Variants in PCDHGB3 observed in about 807,000 individuals in gnomAD.
The protein encoded by PCDHGB3 is protocadherin gamma subfamily B, 3.
Under a neutral mutation model 59.2 loss-of-function variants are expected in PCDHGB3, and 40 were observed. That is an observed-to-expected ratio of 0.68 (90% confidence interval 0.52 to 0.88). The LOEUF is 0.88. Among genes scored for constraint, PCDHGB3 ranks in the 40% least tolerant of loss-of-function variants. The pLI, the probability that PCDHGB3 is intolerant of heterozygous loss-of-function variation, is 0.00. For missense variants in PCDHGB3, 1,309 were observed against 1,187.9 expected (o/e 1.10, Z -1.50); for synonymous variants, 581 against 503.6 (o/e 1.15, Z -2.06).
chr5:141,403,083 T>C lies in PCDHGB3; in HGVS notation c.2415+30274T>C, dbSNP rs775664314. 7 of 1,613,932 alleles carry C rather than the reference T, an allele frequency of 4.3e-6. No individual in the cohort carries two copies. The highest frequency in any genetic ancestry group is 2.7e-5 in the African/African-American group (2 of 74,948). ...CCTGAAGAGACAGAAAAGGGCTATATTGTGGGCAACATCTCCAAGGACCTG... is the reference window on the plus strand; with the variant it reads ...CCTGAAGAGACAGAAAAGGGCTATACTGTGGGCAACATCTCCAAGGACCTG... On this transcript the variant is annotated intron_variant, in intron 1 of 3. Transcript: ENST00000576222.
chr5:141,381,817 T>TTTC (rs1262770842), intron 1 of PCDHGB3, among the ~76,000 whole-genome samples: 10 of 136,280 alleles, frequency 7.3e-5, no homozygotes, highest in East Asian at 4.1e-4. Context: ...TCTTTCTTTC[T>TTTC]TTCTTCTTCT....
rs1430647254 is a variant in PCDHGB3 at position 141,477,750 on chromosome 5, C to T, written c.2416-17057C>T. On this transcript the variant is annotated intron_variant, in intron 1 of 3. Coordinates refer to ENST00000576222, the MANE Select transcript of PCDHGB3 (RefSeq NM_018924.5). This position sits in a 1 kb window ranked among gnomAD's most constrained non-coding sequence, Gnocchi z 4.9. ...GCTCATATCAGCGATGGGGGCACCC[C>T]GGTCCTAGCCACCAACATCAGCGTG... 8 of 1,613,772 alleles carry T rather than the reference C, an allele frequency of 5.0e-6. No individual in the cohort carries two copies. Among genetic ancestry groups the T allele is most frequent in the East Asian group, 2.2e-5 (1 of 44,890 alleles).
At position 141,372,210 on chromosome 5, in the gene PCDHGB3, T is replaced by A; in HGVS notation, c.1816T>A (p.Tyr606Asn). 1.9e-6 allele frequency: 3 copies of A among 1,613,574 alleles called. No individual in the cohort carries two copies. Among genetic ancestry groups the A allele is most frequent in the Non-Finnish European group, 2.5e-6 (3 of 1,179,896 alleles). Residue 606 changes from tyrosine (Y) to asparagine (N), a missense_variant, in exon 1 of 4, where the codon TAC becomes AAC. Tyr to Asn is a moderately radical substitution (Grantham distance 143). Coordinates refer to ENST00000576222, the MANE Select transcript of PCDHGB3 (RefSeq NM_018924.5). ...ADSGYNAWLSYHIVQASEPGL... is the reference protein window; with the variant it reads ...ADSGYNAWLSNHIVQASEPGL... Reference sequence around the variant, plus strand: ...CTCGGGATACAACGCCTGGCTGTCCTACCACATTGTGCAGGCCAGCGAGCC... The same window carrying A: ...CTCGGGATACAACGCCTGGCTGTCCAACCACATTGTGCAGGCCAGCGAGCC...
chr5:141,428,846 A>G (rs936271540), intron 1 of PCDHGB3: 1 of 143,414 alleles, frequency 7.0e-6, no homozygotes, highest in Non-Finnish European at 1.5e-5. Flanking sequence ...CATTTTCACC[A>G]TTTTTACGGG....
At chr5:141,415,863 GTGT>G in intron 1 of PCDHGB3, 1 of 1,107,154 alleles carries the variant, frequency 9.0e-7, no homozygotes, top group Non-Finnish European at 1.2e-6. Flanking sequence ...GTAGTTTATA[GTGT>G]TGTTGAGTAC....
At position 141,400,119 on chromosome 5, in the gene PCDHGB3, G is replaced by A. The variant is rs543287685; in HGVS notation, c.2415+27310G>A. ...TGCACTTGGTCTTTGCTGACAGCTTGCAGGAGGTGCTGCCGGATATCACTG... is the reference window on the plus strand; with the variant it reads ...TGCACTTGGTCTTTGCTGACAGCTTACAGGAGGTGCTGCCGGATATCACTG... On this transcript the variant is annotated intron_variant, in intron 1 of 3. Transcript: ENST00000576222. 3 of 1,614,076 alleles carry A rather than the reference G, an allele frequency of 1.9e-6. No individual in the cohort carries two copies. The Admixed American group carries it at 5.0e-5, about 27-fold the overall frequency.
intron 1 of PCDHGB3, chr5:141,384,987 G>C (rs775895766): frequency 6.2e-7 from 1 of 1,614,114 alleles, no homozygotes; most frequent in African/African-American, 1.3e-5. Context: ...TGGTGGTGGC[G>C]GTGGCCACAG....
chr5:141,402,854 C>A, intron 1 of PCDHGB3: 2 of 1,423,530 alleles, frequency 1.4e-6, no homozygotes, highest in Non-Finnish European at 1.8e-6. Flanking sequence ...CCTCTTTCTT[C>A]TAAGGAAAAG....
chr5:141,399,260 T>A (rs2093776436), intron 1 of PCDHGB3: 1 of 1,613,614 alleles, frequency 6.2e-7, no homozygotes, highest in South Asian at 1.1e-5. Context: ...AATGGGGAGG[T>A]TAATTGTCAA....
At chr5:141,398,892 G>A in intron 1 of PCDHGB3, 5 of 1,613,916 alleles carry the variant, frequency 3.1e-6, no homozygotes, top group Non-Finnish European at 4.2e-6. Context: ...GGGAAAACGT[G>A]CCACCAGGCA....
At position 141,450,045 on chromosome 5, in the gene PCDHGB3, C is replaced by T. The variant is rs369046547; in HGVS notation, c.2416-44762C>T. On this transcript the variant is annotated intron_variant, in intron 1 of 3. Transcript: ENST00000576222. Reference sequence around the variant, plus strand: ...TTTTTGAGACAGGGTCTCACTCTTTCGCCCAGGCTGGAATGCAGTGGTATG... The same window carrying T: ...TTTTTGAGACAGGGTCTCACTCTTTTGCCCAGGCTGGAATGCAGTGGTATG... 4.6e-5 allele frequency among the ~76,000 whole-genome samples: 6 copies of T among 129,508 alleles called. No individual in the cohort carries two copies. In the South Asian group the frequency reaches 9.6e-4, roughly 21 times the overall value. 85.0% of individuals were successfully genotyped at this position (129,508 alleles called of 152,430 possible).
intron 1 of PCDHGB3, among the ~76,000 whole-genome samples, chr5:141,488,225 T>G (rs2099673126): frequency 6.6e-6 from 1 of 152,136 alleles, no homozygotes. Flanking sequence ...CTACTGGGGA[T>G]TTGAACTAGA....
At chr5:141,410,818 T>G in intron 1 of PCDHGB3, 2 of 556,016 alleles carry the variant, frequency 3.6e-6, no homozygotes, top group Non-Finnish European at 5.8e-6. Context: ...TGTAAAATAA[T>G]GTCACCAGAC....
In PCDHGB3 at chr5:141,511,098, T is replaced by G; in HGVS notation, c.2715T>G (p.Ala905=). 6.2e-7 allele frequency: 1 copy of G among 1,614,132 alleles called. No individual in the cohort carries two copies. The highest frequency in any genetic ancestry group is 8.5e-7 in the Non-Finnish European group (1 of 1,179,996). ...PGSNATLTNA[A]GKRDGKAPAG... is the part of the protein sequence containing the mutation. The stretch of plus-strand genomic sequence containing the variant: ...GCAATGCCACACTGACCAACGCAGC[T>G]GGCAAGCGGGATGGCAAGGCCCCAG... Residue 905 remains alanine, a synonymous_variant, in exon 4 of 4, where the codon GCT becomes GCG. Transcript: ENST00000576222.
chr5:141,502,866 C>CTTTT (rs549047197), intron 2 of PCDHGB3, among the ~76,000 whole-genome samples: 3 of 128,028 alleles, frequency 2.3e-5, no homozygotes, highest in African/African-American at 6.2e-5. Flanking sequence ...GACTCTCTGT[C>CTTTT]TTTTTTTTTT....
rs747671382 is a variant in PCDHGB3 at position 141,444,152 on chromosome 5, A to ATTTTTTT, written c.2416-50625_2416-50619dup. On this transcript the variant is annotated intron_variant, in intron 1 of 3. Coordinates refer to ENST00000576222, the MANE Select transcript of PCDHGB3 (RefSeq NM_018924.5). ...GATATGTGTCACTTGTGTGTACTGG[A>ATTTTTTT]TTTTTTTTTTTTTTTTTTTTTTTTT... Among the ~76,000 whole-genome samples, 8 of 33,896 alleles carry ATTTTTTT rather than the reference A, an allele frequency of 2.4e-4. 2 individuals are homozygous for ATTTTTTT. The highest frequency in any genetic ancestry group is 2.1e-3 in the South Asian group (2 of 962). 22.2% of individuals were successfully genotyped at this position (33,896 alleles called of 152,430 possible).
intron 1 of PCDHGB3, among the ~76,000 whole-genome samples, chr5:141,488,969 CCAAT>C (rs1303368467): frequency 4.6e-5 from 7 of 152,106 alleles, no homozygotes; most frequent in Non-Finnish European, 7.4e-5. Context: ...GACTTTTTGG[CCAAT>C]CAGACTCAGA....
chr5:141,477,845 G>A lies in PCDHGB3; in HGVS notation c.2416-16962G>A, dbSNP rs1164464559. On this transcript the variant is annotated intron_variant, in intron 1 of 3. Transcript: ENST00000576222. This position sits in a 1 kb window ranked among gnomAD's most constrained non-coding sequence, Gnocchi z 4.9. ...ATATCCTCGGCCAGGTGGGAGCTCGGTGGAGATGCTGCCTCGAGGTACCTC... is the reference window on the plus strand; with the variant it reads ...ATATCCTCGGCCAGGTGGGAGCTCGATGGAGATGCTGCCTCGAGGTACCTC... 11 of 1,614,040 alleles carry A rather than the reference G, an allele frequency of 6.8e-6. No individual in the cohort carries two copies. The highest frequency in any genetic ancestry group is 9.3e-6 in the Non-Finnish European group (11 of 1,180,036).
In PCDHGB3 at chr5:141,432,776, G is replaced by C. The variant is rs975435403; in HGVS notation, c.2415+59967G>C. 1.9e-6 allele frequency: 3 copies of C among 1,614,172 alleles called. No homozygotes were observed. In the African/African-American group the frequency reaches 4.0e-5, roughly 22 times the overall value. ...GGCCGACAGCATCCCCCAAGTCCTG[G>C]CGGACCTCGGCAGCCTCGAGTCTCC... On this transcript the variant is annotated intron_variant, in intron 1 of 3. Transcript: ENST00000576222. This position sits in a 1 kb window ranked among gnomAD's most constrained non-coding sequence, Gnocchi z 6.0.
Sources: gnomAD v4.1 joint callset for allele counts (sites outside exome capture counted in the v4.1 genomes callset) on GRCh38, gnomAD v4.1.1 for gene constraint, Gnocchi (gnomAD v3.1) non-coding constraint, MANE v1.5 for transcripts, NCBI Gene and HGNC (gene_info 2026-07-23, HGNC 2026-07-21) for gene names.